The following LRFN5 variants were observed in gnomAD, a reference collection of about 807,000 sequenced individuals.
LRFN5 encodes leucine rich repeat and fibronectin type III domain containing 5, also known as leucine-rich repeat and fibronectin type-III domain-containing protein 5.
In LRFN5, 24 loss-of-function variants were observed where a neutral mutation model predicts 45.6. The observed-to-expected ratio is 0.53, with a 90% confidence interval of 0.38 to 0.74. The LOEUF (loss-of-function observed/expected upper bound fraction) is 0.74, where lower values mean the gene tolerates loss of function less well. Ranked by LOEUF, LRFN5 falls within the 30% of genes least tolerant of loss-of-function variation. The pLI, the probability that LRFN5 is intolerant of heterozygous loss-of-function variation, is 0.00. For synonymous variants in LRFN5, 340 were observed against 313.8 expected, an observed-to-expected ratio of 1.08 and a Z score of -0.88; for missense variants, 776 against 861.5, an observed-to-expected ratio of 0.90 and a Z score of 1.24.
At chr14:41,673,572 G>T (rs2138665580) in intron 1 of LRFN5, among the ~76,000 whole-genome samples, 1 of 147,554 alleles carries the variant, frequency 6.8e-6, no homozygotes, top group African/African-American at 2.5e-5. Context: ...CGGGCAGGGG[G>T]TGACCCCCCC....
chr14:41,824,030 T>C (rs573013991), intron 2 of LRFN5, among the ~76,000 whole-genome samples: 1 of 152,320 alleles, frequency 6.6e-6, no homozygotes, highest in African/African-American at 2.4e-5. Flanking sequence ...TGTTCATTTT[T>C]TTAAGTCATT....
intron 1 of LRFN5, among the ~76,000 whole-genome samples, chr14:41,748,861 T>G (rs1885020839): frequency 6.6e-6 from 1 of 151,806 alleles, no homozygotes; most frequent in Admixed American, 6.6e-5. Context: ...ACCTACTCTA[T>G]TTTCTGCTGC....
Position 41,726,133 on chromosome 14 carries a change from A to G in LRFN5, c.-196-40721A>G, listed in dbSNP as rs1883921386. On this transcript the variant is annotated intron_variant, in intron 1 of 5. Transcript: ENST00000298119. ...ATGTTACTTAAGTAGCTTGGCTTAC[A>G]ATTGGCCATAGAACTGTTCCTATTT... 2.0e-5 allele frequency among the ~76,000 whole-genome samples: 3 copies of G among 152,150 alleles called. No homozygotes were observed. The South Asian group carries it at 6.2e-4, about 32-fold the overall frequency.
chr14:41,696,770 T>C (rs767289991), intron 1 of LRFN5, among the ~76,000 whole-genome samples: 7 of 151,906 alleles, frequency 4.6e-5, no homozygotes, highest in Non-Finnish European at 8.8e-5. Flanking sequence ...TTCTAACTGG[T>C]ATGAGGTGAC....
chr14:41,769,840 G>A (rs1292708611), intron 2 of LRFN5, among the ~76,000 whole-genome samples: 1 of 152,056 alleles, frequency 6.6e-6, no homozygotes, highest in East Asian at 1.9e-4. Context: ...TATTTGCCAT[G>A]TATACCATTT....
chr14:41,645,069 G>A (rs1269653324), intron 1 of LRFN5, among the ~76,000 whole-genome samples: 3 of 152,178 alleles, frequency 2.0e-5, no homozygotes, highest in African/African-American at 7.2e-5. Context: ...CTAGCTAAAT[G>A]AGCTTAGCGT....
chr14:41,890,645 T>G (rs1285817549), intron 3 of LRFN5, among the ~76,000 whole-genome samples: 2 of 151,756 alleles, frequency 1.3e-5, no homozygotes, highest in East Asian at 3.9e-4. Context: ...AGGCGGAGCT[T>G]TCATTGAGCC....
At chr14:41,890,673 C>G (rs558596439) in intron 3 of LRFN5, among the ~76,000 whole-genome samples, 3 of 150,262 alleles carry the variant, frequency 2.0e-5, no homozygotes, top group African/African-American at 7.4e-5. Flanking sequence ...CGCCACTGCA[C>G]TCCAGCCTGG....
intron 1 of LRFN5, among the ~76,000 whole-genome samples, chr14:41,615,714 A>G (rs1393001007): frequency 6.6e-6 from 1 of 152,102 alleles, no homozygotes; most frequent in Non-Finnish European, 1.5e-5. Context: ...TTACCATTTG[A>G]TCAATGTTTT....
At chr14:41,843,086 C>CTTTTTTTTTTTTTTTTTTTTT (rs539151256) in intron 2 of LRFN5, among the ~76,000 whole-genome samples, 1 of 118,308 alleles carries the variant, frequency 8.5e-6, no homozygotes, top group African/African-American at 3.1e-5. Context: ...TTTGTCTTTT[C>CTTTTTTTTTTTTTTTTTTTTT]TTTTTTTTTT....
intron 1 of LRFN5, among the ~76,000 whole-genome samples, chr14:41,720,437 C>G (rs1883669629): frequency 6.6e-6 from 1 of 152,034 alleles, no homozygotes; most frequent in Non-Finnish European, 1.5e-5. Flanking sequence ...ATGTATTTCC[C>G]TTTGGATATA....
chr14:41,808,984 A>G (rs534753290), intron 2 of LRFN5, among the ~76,000 whole-genome samples: 3 of 152,234 alleles, frequency 2.0e-5, no homozygotes, highest in South Asian at 2.1e-4. Context: ...ATCTGGCACT[A>G]TAAGTACCAT....
intron 1 of LRFN5, among the ~76,000 whole-genome samples, chr14:41,716,117 T>A (rs1037397758): frequency 2.2e-4 from 33 of 152,098 alleles, no homozygotes; most frequent in African/African-American, 7.0e-4. Flanking sequence ...GGACACCAAG[T>A]CTCTAGGCTG....
chr14:41,785,810 C>T (rs1409115659), intron 2 of LRFN5, among the ~76,000 whole-genome samples: 12 of 152,110 alleles, frequency 7.9e-5, no homozygotes, highest in African/African-American at 2.7e-4. Flanking sequence ...AGGCATGCAG[C>T]CTACATCCCT....
At chr14:41,789,417 C>T (rs1018934415) in intron 2 of LRFN5, among the ~76,000 whole-genome samples, 2 of 151,992 alleles carry the variant, frequency 1.3e-5, no homozygotes, top group African/African-American at 4.8e-5. Flanking sequence ...TCTTCCTCCT[C>T]TCTGATATCG....
intron 1 of LRFN5, among the ~76,000 whole-genome samples, chr14:41,679,255 G>A (rs910704758): frequency 6.6e-5 from 10 of 152,266 alleles, no homozygotes; most frequent in South Asian, 2.1e-4. Context: ...GCCATGCGAC[G>A]CAGTGAAACA....
chr14:41,819,605 G>A (rs901550907), intron 2 of LRFN5, among the ~76,000 whole-genome samples: 2 of 152,086 alleles, frequency 1.3e-5, no homozygotes, highest in African/African-American at 4.8e-5. Flanking sequence ...GTCTCAGGGA[G>A]CTTTTACTCA....
At chr14:41,815,965 CTT>C (rs1258854679) in intron 2 of LRFN5, among the ~76,000 whole-genome samples, 5 of 151,970 alleles carry the variant, frequency 3.3e-5, no homozygotes, top group Non-Finnish European at 5.9e-5. Flanking sequence ...TTATTATACT[CTT>C]TTAATTTCAT....
At chr14:41,900,482 C>T (rs1236623689) in intron 5 of LRFN5, among the ~76,000 whole-genome samples, 1 of 151,806 alleles carries the variant, frequency 6.6e-6, no homozygotes, top group East Asian at 1.9e-4. Context: ...AACTTTTTAT[C>T]TTAAAGTAAT....
Sources: gnomAD v4.1 joint callset for allele counts (sites outside exome capture counted in the v4.1 genomes callset) on GRCh38, gnomAD v4.1.1 for gene constraint, MANE v1.5 for transcripts, NCBI Gene and HGNC (gene_info 2026-07-23, HGNC 2026-07-21) for gene names.